The following RELN variants were observed in gnomAD, a reference collection of about 807,000 sequenced individuals.
The protein encoded by RELN is reelin.
Under a neutral mutation model 427.6 loss-of-function variants are expected in RELN, and 108 were observed. That is an observed-to-expected ratio of 0.25 (90% confidence interval 0.22 to 0.30). The LOEUF (loss-of-function observed/expected upper bound fraction) is 0.30, where lower values mean the gene tolerates loss of function less well. Among genes scored for constraint, RELN ranks in the 10% least tolerant of loss-of-function variants. The probability of loss-of-function intolerance (pLI) is 1.00; values close to 1 mark genes in which losing one functional copy is unlikely to be tolerated. For missense variants in RELN, 3,715 were observed against 4,302.8 expected (o/e 0.86, Z 3.82); for synonymous variants, 1,524 against 1,513.4 (o/e 1.01, Z -0.16).
At chr7:103,809,840 C>A (rs1217579722) in intron 3 of RELN, among the ~76,000 whole-genome samples, 1 of 152,078 alleles carries the variant, frequency 6.6e-6, no homozygotes, top group Non-Finnish European at 1.5e-5. Flanking sequence ...CATTTAGAAA[C>A]AATCAGCTAA....
At chr7:103,546,281 A>G (rs1254272934) in intron 41 of RELN, among the ~76,000 whole-genome samples, 2 of 152,252 alleles carry the variant, frequency 1.3e-5, no homozygotes, top group African/African-American at 4.8e-5. Context: ...TTCACTTAGC[A>G]TAACAGCATA....
chr7:103,866,238 A>T (rs1429631075), intron 2 of RELN, among the ~76,000 whole-genome samples: 1 of 152,168 alleles, frequency 6.6e-6, no homozygotes, highest in Admixed American at 6.6e-5. Flanking sequence ...AAGAATAAAG[A>T]CAATTTCACC....
At chr7:103,829,262 C>T (rs39357) in intron 3 of RELN, among the ~76,000 whole-genome samples, 53,613 of 151,598 alleles carry the variant, frequency 0.35, 9,973 homozygotes, top group Non-Finnish European at 0.42. Context: ...TAGGGTTAGA[C>T]GGTTTGGAGA....
intron 2 of RELN, among the ~76,000 whole-genome samples, chr7:103,904,100 G>T (rs1415896031): frequency 6.6e-6 from 1 of 152,106 alleles, no homozygotes; most frequent in Non-Finnish European, 1.5e-5. Context: ...GTGAGAACAT[G>T]CAGTGTTTGG....
intron 12 of RELN, among the ~76,000 whole-genome samples, chr7:103,656,177 T>C (rs1349981829): frequency 2.0e-5 from 3 of 152,110 alleles, no homozygotes; most frequent in Admixed American, 1.3e-4. Flanking sequence ...GCAACAACTT[T>C]TGATGACCTA....
intron 6 of RELN, among the ~76,000 whole-genome samples, chr7:103,743,896 C>A (rs1476979051): frequency 8.5e-5 from 13 of 152,144 alleles, no homozygotes; most frequent in African/African-American, 3.1e-4. Context: ...TTGAATTCAG[C>A]TATGCACCAA....
chr7:103,519,584 G>A, intron 48 of RELN, 68 bp from the exon 49 acceptor site: 1 of 1,251,256 alleles, frequency 8.0e-7, no homozygotes, highest in Non-Finnish European at 1.1e-6. Context: ...GATTTTCTAT[G>A]GATTTTTTTT....
At position 103,519,472 on chromosome 7, in the gene RELN, A is replaced by G. The variant is rs1359170573; in HGVS notation, c.7713T>C (p.Asn2571=). ...LLVTVDLNLT[N]AEFIQFYFMY... ...TGAAGTAAAATTGGATGAACTCAGCATTAGTGAGGTTTAGATCCACAGTGA... is the reference window on the plus strand; with the variant it reads ...TGAAGTAAAATTGGATGAACTCAGCGTTAGTGAGGTTTAGATCCACAGTGA... Residue 2571 remains asparagine, a synonymous_variant, in exon 49 of 65, where the codon AAT becomes AAC. Transcript: ENST00000428762. 6.2e-7 allele frequency: 1 copy of G among 1,613,704 alleles called. No individual in the cohort carries two copies. The highest frequency in any genetic ancestry group is 1.3e-5 in the African/African-American group (1 of 74,910).
At chr7:103,850,767 A>T (rs1222104078) in intron 2 of RELN, among the ~76,000 whole-genome samples, 1 of 152,188 alleles carries the variant, frequency 6.6e-6, no homozygotes. Flanking sequence ...GGGAAATGCA[A>T]ATCAAAACCA....
At chr7:103,515,959 G>A (rs1314109546) in intron 49 of RELN, among the ~76,000 whole-genome samples, 1 of 152,130 alleles carries the variant, frequency 6.6e-6, no homozygotes, top group African/African-American at 2.4e-5. Flanking sequence ...GTTGTCTGTG[G>A]TGCAGACACT....
intron 57 of RELN, 114 bp downstream of exon 57, chr7:103,495,609 G>C: frequency 2.0e-6 from 2 of 1,008,734 alleles, no homozygotes; most frequent in Non-Finnish European, 3.1e-6. Context: ...ATAAGATAAA[G>C]TCTTTTTTAA....
At chr7:103,538,986 C>T (rs1258316089) in intron 45 of RELN, 92 bp downstream of exon 45, 5 of 1,405,038 alleles carry the variant, frequency 3.6e-6, no homozygotes, top group African/African-American at 1.4e-5. Flanking sequence ...ATTTACAGAC[C>T]TATCAGAGAG....
At chr7:103,597,947 G>C (rs1356630887) in intron 24 of RELN, among the ~76,000 whole-genome samples, 1 of 152,166 alleles carries the variant, frequency 6.6e-6, no homozygotes, top group African/African-American at 2.4e-5. Context: ...GCTCATCCAT[G>C]GATTTCTCTT....
At chr7:103,496,195 G>T (rs1398666605) in intron 56 of RELN, among the ~76,000 whole-genome samples, 1 of 152,060 alleles carries the variant, frequency 6.6e-6, no homozygotes, top group Non-Finnish European at 1.5e-5. Flanking sequence ...AAAAGTTCTT[G>T]ATACACTTTG....
At chr7:103,598,752 T>C (rs878882545) in intron 24 of RELN, among the ~76,000 whole-genome samples, 1 of 152,220 alleles carries the variant, frequency 6.6e-6, no homozygotes, top group Non-Finnish European at 1.5e-5. Flanking sequence ...AATCATTTTC[T>C]TTTGTTTGGT....
At chr7:103,755,622 A>T (rs74803223) in intron 4 of RELN, among the ~76,000 whole-genome samples, 11,459 of 66,366 alleles carry the variant, frequency 0.17, 639 homozygotes, top group East Asian at 0.25. Flanking sequence ...AAAAAATAAA[A>T]AAAATAAAAT....
intron 3 of RELN, among the ~76,000 whole-genome samples, chr7:103,811,092 G>T (rs1792731744): frequency 1.3e-5 from 2 of 152,112 alleles, no homozygotes; most frequent in South Asian, 4.1e-4. Flanking sequence ...TTATGCAAAA[G>T]GTATTTTTAA....
At chr7:103,926,059 C>G (rs1795725911) in intron 1 of RELN, among the ~76,000 whole-genome samples, 1 of 149,794 alleles carries the variant, frequency 6.7e-6, no homozygotes, top group Non-Finnish European at 1.5e-5. Flanking sequence ...TAATAGTGCC[C>G]CAAGTAGTTT....
chr7:103,695,809 C>T (rs1379144735), intron 10 of RELN, among the ~76,000 whole-genome samples: 7 of 152,158 alleles, frequency 4.6e-5, no homozygotes, highest in Middle Eastern at 3.4e-3. Context: ...ATATGACATA[C>T]GCTATTCTGA....
Sources: allele counts gnomAD v4.1 joint callset (sites outside exome capture counted in the v4.1 genomes callset), GRCh38; gene constraint gnomAD v4.1.1; transcripts MANE v1.5; gene names NCBI Gene and HGNC (gene_info 2026-07-23, HGNC 2026-07-21).